The following AP4S1 variants were observed in gnomAD, a reference collection of about 807,000 sequenced individuals.
AP4S1 encodes AP-4 complex subunit sigma-1.
Under a neutral mutation model 19.8 loss-of-function variants are expected in AP4S1, and 23 were observed. The observed-to-expected ratio is 1.16, with a 90% CI of 0.84 to 1.65. The LOEUF (loss-of-function observed/expected upper bound fraction) is 1.65, where lower values mean the gene tolerates loss of function less well. Ranked by LOEUF, AP4S1 falls within the 40% of genes most tolerant of loss-of-function variation. The pLI is 0.00. For synonymous variants in AP4S1, 46 were observed against 54.1 expected, an observed-to-expected ratio of 0.85 and a Z score of 0.66; for missense variants, 166 against 172.8, an observed-to-expected ratio of 0.96 and a Z score of 0.22.
In AP4S1 at chr14:31,093,398, C is replaced by T. The variant is rs1017883750; in HGVS notation, c.*363C>T. The T allele has an allele frequency of 6.3e-6, 1 of 158,774 alleles. No individual in the cohort carries two copies. The highest frequency in any genetic ancestry group is 2.4e-5 in the African/African-American group (1 of 41,540). The allele number at this position is 158,774 out of a possible 1,614,324, so 9.8% of individuals were successfully genotyped here. ...AGTGGGAAGAAAGTATGGCAGTTTT[C>T]CGTCAGCCAATAAAGTTTTAAAATT... is the stretch of plus-strand genomic sequence containing the variant. On this transcript the variant is annotated 3_prime_UTR_variant, in exon 6 of 6. Coordinates refer to ENST00000542754, the MANE Select transcript of AP4S1 (RefSeq NM_001128126.3).
chr14:31,055,000 T>C (rs1268760761), intron 1 of AP4S1, among the ~76,000 whole-genome samples: 2 of 149,842 alleles, frequency 1.3e-5, no homozygotes, highest in African/African-American at 2.4e-5. Context: ...CTCTGTCTAA[T>C]AATAACATCA....
chr14:31,085,182 C>T (rs1887865939), intron 5 of AP4S1: 2 of 1,167,656 alleles, frequency 1.7e-6, no homozygotes, highest in Non-Finnish European at 2.1e-6. Flanking sequence ...CACCAGCCCT[C>T]ACTATCTACT....
chr14:31,031,553 A>T (rs17097675), intron 1 of AP4S1, among the ~76,000 whole-genome samples: 34,777 of 152,082 alleles, frequency 0.23, 4,324 homozygotes, highest in South Asian at 0.31. Flanking sequence ...AACTGCCCTG[A>T]GTTTTGAAAG....
chr14:31,073,804 A>C (rs1020032700), intron 4 of AP4S1, among the ~76,000 whole-genome samples: 14 of 148,960 alleles, frequency 9.4e-5, no homozygotes, highest in African/African-American at 2.9e-4. Context: ...TCGGCCTCCC[A>C]AAGTGCTGGG....
chr14:31,058,517 C>CTGTGTG lies in AP4S1; in HGVS notation c.-71-7605_-71-7600dup, dbSNP rs1241249693. On this transcript the variant is annotated intron_variant, in intron 1 of 5. Transcript: ENST00000542754. The stretch of plus-strand genomic sequence containing the variant: ...GGTCATCAAAACATCTTCCCCATCT[C>CTGTGTG]TGTGTGTGTATGTGTGTGTGTGTGT... Among the ~76,000 whole-genome samples, 789 of 139,406 alleles carry CTGTGTG rather than the reference C, an allele frequency of 5.7e-3. 9 individuals carry two copies. Among genetic ancestry groups the CTGTGTG allele is most frequent in the Middle Eastern group, 0.014 (4 of 278 alleles). The allele number at this position is 139,406 out of a possible 152,430, so 91.5% of individuals were successfully genotyped here. A position where few individuals can be genotyped will look rare whatever the true frequency, so the allele number is the denominator to read the frequency against.
intron 5 of AP4S1, chr14:31,084,967 G>T (rs531600804): frequency 3.1e-6 from 5 of 1,594,506 alleles, no homozygotes; most frequent in East Asian, 2.2e-5. Flanking sequence ...TGCTCTACGC[G>T]TGAAGGTACA....
At chr14:31,058,756 A>G (rs138552128) in intron 1 of AP4S1, among the ~76,000 whole-genome samples, 6,508 of 137,132 alleles carry the variant, frequency 0.047, 195 homozygotes, top group Non-Finnish European at 0.073. Context: ...CTTTTTTTTT[A>G]GTAGACATGG....
chr14:31,090,532 C>T (rs1648001041), intron 5 of AP4S1, among the ~76,000 whole-genome samples: 1 of 152,216 alleles, frequency 6.6e-6, no homozygotes, highest in Non-Finnish European at 1.5e-5. Flanking sequence ...CAGTCAAGTT[C>T]ATTATAGCCT....
intron 1 of AP4S1, among the ~76,000 whole-genome samples, chr14:31,039,746 A>G (rs1885001648): frequency 1.3e-5 from 2 of 151,416 alleles, no homozygotes; most frequent in South Asian, 2.1e-4. Context: ...GCGCGCCACC[A>G]TGCCCGGCTA....
intron 1 of AP4S1, among the ~76,000 whole-genome samples, chr14:31,033,770 G>T (rs2139418161): frequency 6.6e-6 from 1 of 152,314 alleles, no homozygotes; most frequent in Middle Eastern, 3.4e-3. Flanking sequence ...AATATTCTGT[G>T]AGGAAAAGGA....
At chr14:31,029,895 G>A (rs1884287657) in intron 1 of AP4S1, among the ~76,000 whole-genome samples, 1 of 149,572 alleles carries the variant, frequency 6.7e-6, no homozygotes, top group Non-Finnish European at 1.5e-5. Context: ...TTTTGTCCAA[G>A]AAGCCTCCAT....
chr14:31,049,981 G>T (rs569797945), intron 1 of AP4S1, among the ~76,000 whole-genome samples: 1 of 152,258 alleles, frequency 6.6e-6, no homozygotes, highest in Non-Finnish European at 1.5e-5. Flanking sequence ...GAGTGCAGTG[G>T]CATGATCTCG....
chr14:31,033,259 G>T, intron 1 of AP4S1, among the ~76,000 whole-genome samples: 1 of 152,168 alleles, frequency 6.6e-6, no homozygotes, highest in South Asian at 2.1e-4. Flanking sequence ...TGTCACCCAG[G>T]CTGGAGTGCA....
At chr14:31,033,480 G>A (rs188577440) in intron 1 of AP4S1, among the ~76,000 whole-genome samples, 43 of 152,252 alleles carry the variant, frequency 2.8e-4, no homozygotes, top group Admixed American at 6.5e-4. Flanking sequence ...CCAAAGTGCT[G>A]GGATTACAGG....
chr14:31,032,689 C>A (rs139298611), intron 1 of AP4S1, among the ~76,000 whole-genome samples: 2,711 of 152,146 alleles, frequency 0.018, 76 homozygotes, highest in African/African-American at 0.061. Context: ...GCATGTGCCA[C>A]CATGACCGGC....
At chr14:31,037,865 G>C (rs2139436176) in intron 1 of AP4S1, among the ~76,000 whole-genome samples, 1 of 152,278 alleles carries the variant, frequency 6.6e-6, no homozygotes, top group African/African-American at 2.4e-5. Flanking sequence ...GACATGAGAG[G>C]ATCTTGAGTC....
Position 31,053,596 on chromosome 14 carries a change from T to C in AP4S1, c.-71-12530T>C, listed in dbSNP as rs1036052740. On this transcript the variant is annotated intron_variant, in intron 1 of 5. Transcript: ENST00000542754. The stretch of plus-strand genomic sequence containing the variant: ...CTTTTTAGTGACTTTTTTCTTTTTT[T>C]TTTTTTTTTTTTTTTTTTTTTTGTA... 1.6e-4 allele frequency among the ~76,000 whole-genome samples: 18 copies of C among 112,380 alleles called. 1 individual carries two copies. Among genetic ancestry groups the C allele is most frequent in the Middle Eastern group, 4.4e-3 (1 of 228 alleles). The allele number at this position is 112,380 out of a possible 152,430, so 73.7% of individuals were successfully genotyped here.
In AP4S1 at chr14:31,066,117, G is replaced by C; in HGVS notation, c.-71-9G>C. The C allele has an allele frequency of 7.2e-7, 1 of 1,396,128 alleles. No individual in the cohort carries two copies. Among genetic ancestry groups the C allele is most frequent in the East Asian group, 2.3e-5 (1 of 43,526 alleles). 86.5% of individuals were successfully genotyped at this position (1,396,128 alleles called of 1,614,324 possible). A position where few individuals can be genotyped will look rare whatever the true frequency, so the allele number is the denominator to read the frequency against. On this transcript the variant is annotated splice_polypyrimidine_tract_variant and intron_variant, in intron 1 of 5. Transcript: ENST00000542754. ...TGCCTTTCTGGTTTTGTTTGTTTTT[G>C]TCTTCAAGGTTCCAGTTACAGCCAT...
chr14:31,084,851 A>T (rs764797988), intron 5 of AP4S1: 1 of 1,614,196 alleles, frequency 6.2e-7, no homozygotes. Flanking sequence ...TCATCATTCA[A>T]AGGAGCTGCC....
Sources: gnomAD v4.1 joint callset for allele counts (sites outside exome capture counted in the v4.1 genomes callset) on GRCh38, gnomAD v4.1.1 for gene constraint, MANE v1.5 for transcripts, NCBI Gene and HGNC (gene_info 2026-07-23, HGNC 2026-07-21) for gene names.